IL1RAPL2: variants seen among roughly 807,000 people sequenced by gnomAD.
IL1RAPL2 encodes X-linked interleukin-1 receptor accessory protein-like 2.
Under a neutral mutation model 44.1 loss-of-function variants are expected in IL1RAPL2, and 3 were observed. The observed-to-expected ratio is 0.07, with a 90% CI of 0.03 to 0.18. The LOEUF (loss-of-function observed/expected upper bound fraction) is 0.18. IL1RAPL2 is among the 10% of genes least tolerant of loss of function. IL1RAPL2 has a pLI of 1.00. For synonymous variants in IL1RAPL2, 181 were observed against 178.8 expected, an observed-to-expected ratio of 1.01 and a Z score of -0.10; for missense variants, 391 against 496.4, an observed-to-expected ratio of 0.79 and a Z score of 2.02.
At chrX:104,712,978 C>G (rs1931487707) in intron 2 of IL1RAPL2, among the ~76,000 whole-genome samples, 1 of 110,779 alleles carries the variant, frequency 9.0e-6, no homozygotes, top group Non-Finnish European at 1.9e-5. Flanking sequence ...TAGGCAAAAG[C>G]TTTATAACAG....
intron 6 of IL1RAPL2, among the ~76,000 whole-genome samples, chrX:105,490,535 T>G (rs2036309522): frequency 8.9e-6 from 1 of 112,026 alleles, no homozygotes; most frequent in Non-Finnish European, 1.9e-5. Context: ...TACTGAAAAT[T>G]ATATCAGATC....
chrX:105,445,242 T>C (rs2035946628), intron 5 of IL1RAPL2, among the ~76,000 whole-genome samples: 2 of 111,996 alleles, frequency 1.8e-5, no homozygotes, highest in South Asian at 7.3e-4. Context: ...ATAATGTCTT[T>C]TTTTATCTGT....
chrX:105,294,091 C>A (rs1352738750), intron 5 of IL1RAPL2, among the ~76,000 whole-genome samples: 3 of 112,209 alleles, frequency 2.7e-5, no homozygotes, highest in Non-Finnish European at 5.6e-5. Context: ...TCACCATTTC[C>A]CACAGTTCAG....
At chrX:105,722,324 A>G (rs1435485883) in intron 7 of IL1RAPL2, among the ~76,000 whole-genome samples, 1 of 111,703 alleles carries the variant, frequency 9.0e-6, no homozygotes, top group African/African-American at 3.3e-5. Flanking sequence ...TCCACTTCAT[A>G]TGTCTTGTGT....
At chrX:104,819,963 T>G (rs1364867746) in intron 2 of IL1RAPL2, among the ~76,000 whole-genome samples, 3 of 111,540 alleles carry the variant, frequency 2.7e-5, no homozygotes, top group African/African-American at 9.8e-5. Context: ...CCTGCAAAAT[T>G]TCCCATAAAC....
chrX:104,807,352 T>C (rs1194178719), intron 2 of IL1RAPL2, among the ~76,000 whole-genome samples: 1 of 111,482 alleles, frequency 9.0e-6, no homozygotes, highest in Non-Finnish European at 1.9e-5. Context: ...GAAGCTCACT[T>C]TGCAGGAAAC....
chrX:105,074,417 C>G (rs1174746645), intron 2 of IL1RAPL2, among the ~76,000 whole-genome samples: 3 of 111,437 alleles, frequency 2.7e-5, no homozygotes, highest in Non-Finnish European at 5.6e-5. Context: ...GTTTTGGTAC[C>G]AGTACCATGC....
At chrX:104,693,100 G>A (rs1311136989) in intron 2 of IL1RAPL2, among the ~76,000 whole-genome samples, 1 of 112,083 alleles carries the variant, frequency 8.9e-6, no homozygotes, top group African/African-American at 3.2e-5. Flanking sequence ...TCGAGCCCAT[G>A]AAAGAAAAAT....
At chrX:104,935,175 T>C (rs1038431549) in intron 2 of IL1RAPL2, among the ~76,000 whole-genome samples, 10 of 112,511 alleles carry the variant, frequency 8.9e-5, no homozygotes, top group Non-Finnish European at 1.1e-4. Flanking sequence ...CCAACAAATA[T>C]ACCAGTCTCA....
chrX:105,297,125 G>C (rs1484783498), intron 5 of IL1RAPL2, among the ~76,000 whole-genome samples: 1 of 112,237 alleles, frequency 8.9e-6, no homozygotes, highest in East Asian at 2.8e-4. Flanking sequence ...ATCTGTATGA[G>C]GTGAAAGATT....
intron 2 of IL1RAPL2, among the ~76,000 whole-genome samples, chrX:104,765,537 G>A (rs1396912320): frequency 9.0e-6 from 1 of 111,730 alleles, no homozygotes; most frequent in Non-Finnish European, 1.9e-5. Context: ...CCTTTATAGA[G>A]CCATTGTGAA....
intron 2 of IL1RAPL2, among the ~76,000 whole-genome samples, chrX:105,106,821 A>G (rs1396623808): frequency 1.8e-5 from 2 of 112,143 alleles, no homozygotes; most frequent in African/African-American, 6.5e-5. Flanking sequence ...TTTTTATTAC[A>G]TGGGGGAAAG....
chrX:104,827,533 C>A (rs1039688731), intron 2 of IL1RAPL2, among the ~76,000 whole-genome samples: 1 of 111,251 alleles, frequency 9.0e-6, no homozygotes. Context: ...GGTAACCATA[C>A]CTTTCTCTCT....
intron 2 of IL1RAPL2, among the ~76,000 whole-genome samples, chrX:105,038,870 C>A (rs768503411): frequency 5.4e-5 from 6 of 111,214 alleles, no homozygotes; most frequent in African/African-American, 2.0e-4. Flanking sequence ...CTGCATTTTG[C>A]ATCCCTACAG....
At chrX:104,615,108 C>T (rs777812580) in intron 1 of IL1RAPL2, among the ~76,000 whole-genome samples, 34 of 111,516 alleles carry the variant, frequency 3.0e-4, no homozygotes, top group Non-Finnish European at 6.0e-4. Flanking sequence ...GTGTCTTTGT[C>T]GTAGTAGGTA....
chrX:105,102,535 T>C (rs1207648386), intron 2 of IL1RAPL2, among the ~76,000 whole-genome samples: 1 of 112,148 alleles, frequency 8.9e-6, no homozygotes, highest in Non-Finnish European at 1.9e-5. Flanking sequence ...TATACATATG[T>C]GTACACACAC....
At chrX:105,405,766 G>A (rs1190978674) in intron 5 of IL1RAPL2, 2 of 1,042,349 alleles carry the variant, frequency 1.9e-6, no homozygotes, top group African/African-American at 3.6e-5. Flanking sequence ...CAGCATTCAA[G>A]AAATATTTAT....
chrX:104,680,770 C>T (rs188710196), intron 2 of IL1RAPL2, among the ~76,000 whole-genome samples: 141 of 112,036 alleles, frequency 1.3e-3, no homozygotes, highest in African/African-American at 4.3e-3. Context: ...GGGCAGTCTA[C>T]TTCCTCTTTA....
intron 6 of IL1RAPL2, among the ~76,000 whole-genome samples, chrX:105,665,987 C>T (rs1159072830): frequency 2.7e-5 from 3 of 109,231 alleles, no homozygotes; most frequent in African/African-American, 1.0e-4. Flanking sequence ...TGGTCTCGAT[C>T]TCCTGACCTC....
Sources: allele counts gnomAD v4.1 joint callset (sites outside exome capture counted in the v4.1 genomes callset), GRCh38; gene constraint gnomAD v4.1.1; transcripts MANE v1.5; gene names NCBI Gene and HGNC (gene_info 2026-07-23, HGNC 2026-07-21).